DNAJC16: variants seen among roughly 807,000 people sequenced by gnomAD.
DNAJC16 encodes the protein DnaJ heat shock protein family (Hsp40) member C16.
DNAJC16 carries 76 observed loss-of-function variants against 92.7 expected under a neutral mutation model. That is an observed-to-expected ratio of 0.82 (90% CI 0.68 to 0.99). DNAJC16 has a LOEUF of 0.99. Among genes scored for constraint, DNAJC16 ranks in the 50% least tolerant of loss-of-function variants. The pLI is 0.00. For missense variants in DNAJC16, 869 were observed against 942.4 expected (o/e 0.92, Z 1.02); for synonymous variants, 328 against 358.7 (o/e 0.91, Z 0.97).
At chr1:15,549,869 A>C (rs927514695) in intron 7 of DNAJC16, among the ~76,000 whole-genome samples, 1 of 151,988 alleles carries the variant, frequency 6.6e-6, no homozygotes, top group Non-Finnish European at 1.5e-5. Context: ...CCATGTTCAC[A>C]TCACTTTATT....
chr1:15,555,798 C>G (rs1285129996), intron 7 of DNAJC16, among the ~76,000 whole-genome samples: 1 of 151,728 alleles, frequency 6.6e-6, no homozygotes, highest in African/African-American at 2.4e-5. Context: ...TCGAGACCAG[C>G]CTGACCAACA....
chr1:15,562,077 G>A (rs1057316837), intron 8 of DNAJC16, 65 bp from the exon 9 acceptor site: 1 of 1,503,786 alleles, frequency 6.6e-7, no homozygotes, highest in African/African-American at 1.4e-5. Context: ...ACCTTCACTT[G>A]CCATTATAGG....
intron 3 of DNAJC16, 61 bp downstream of exon 3, chr1:15,534,364 A>T (rs1710732432): frequency 6.4e-6 from 10 of 1,557,744 alleles, no homozygotes; most frequent in Non-Finnish European, 8.8e-6. Flanking sequence ...TTAGGAGGTG[A>T]TGAGTTTTGT....
rs74054782 is a variant in DNAJC16 at position 15,567,376 on chromosome 1, A to G, written c.1949+107A>G. On this transcript the variant is annotated intron_variant, in intron 14 of 14. Coordinates refer to ENST00000375847, the MANE Select transcript of DNAJC16 (RefSeq NM_015291.4). The stretch of plus-strand genomic sequence containing the variant: ...TGGTCTTGTGGGGCTTCATCCATAC[A>G]GCAAGATGCTGGCTGTGACCTTTCC... The G allele has an allele frequency of 9.0e-3, 10,521 of 1,174,638 alleles. 660 individuals are homozygous for G. In the African/African-American group the frequency reaches 0.14, roughly 15 times the overall value. 72.8% of individuals were successfully genotyped at this position (1,174,638 alleles called of 1,614,324 possible).
intron 4 of DNAJC16, among the ~76,000 whole-genome samples, chr1:15,541,331 A>C (rs969452119): frequency 6.6e-6 from 1 of 152,144 alleles, no homozygotes; most frequent in Non-Finnish European, 1.5e-5. Context: ...ATTGTTCCAT[A>C]GTTATTTTTA....
chr1:15,563,742 G>T (rs1638744465), intron 9 of DNAJC16, among the ~76,000 whole-genome samples, 187 bp from the exon 10 acceptor site: 1 of 149,784 alleles, frequency 6.7e-6, no homozygotes, highest in Admixed American at 6.7e-5. Flanking sequence ...CCAGCCACTT[G>T]GGAAGGCTGA....
chr1:15,564,545 C>CTT lies in DNAJC16; in HGVS notation c.1598+198_1598+199dup, dbSNP rs34711960. Among the ~76,000 whole-genome samples, 172 of 142,472 alleles carry CTT rather than the reference C, an allele frequency of 1.2e-3. 2 individuals are homozygous for CTT. Among genetic ancestry groups the CTT allele is most frequent in the African/African-American group, 3.6e-3 (141 of 38,708 alleles). 93.5% of individuals were successfully genotyped at this position (142,472 alleles called of 152,430 possible). A position where few individuals can be genotyped will look rare whatever the true frequency, so the allele number is the denominator to read the frequency against. On this transcript the variant is annotated intron_variant, in intron 11 of 14. Coordinates refer to ENST00000375847, the MANE Select transcript of DNAJC16 (RefSeq NM_015291.4). ...TAACTTCCCTTTTTTTTATTTTTTA[C>CTT]TTTTTTTTTTTTTGAGACAAAGTCT...
intron 8 of DNAJC16, among the ~76,000 whole-genome samples, chr1:15,560,555 G>A (rs1638668007): frequency 6.6e-6 from 1 of 152,134 alleles, no homozygotes; most frequent in East Asian, 1.9e-4. Flanking sequence ...ATTTAGGGCT[G>A]TTTCATCTGT....
chr1:15,544,105 A>G (rs1487054767), intron 4 of DNAJC16, among the ~76,000 whole-genome samples: 1 of 146,414 alleles, frequency 6.8e-6, no homozygotes, highest in African/African-American at 2.5e-5. Flanking sequence ...TCAAGTATTA[A>G]GTGAAATAAG....
rs761891997 is a variant in DNAJC16, at chr1:15,536,772, G to A, written c.532G>A (p.Glu178Lys). Residue 178 changes from glutamate to lysine, a missense_variant, in exon 4 of 15, where the codon GAG becomes AAG. Physicochemically the swap from Glu to Lys is moderately conservative, Grantham distance 56. Coordinates refer to ENST00000375847, the MANE Select transcript of DNAJC16 (RefSeq NM_015291.4). ...SDWCFSCIHIEPVWKEVIQEL... is the reference protein window; with the variant it reads ...SDWCFSCIHIKPVWKEVIQEL... ...TTGGTGCTTTAGCTGCATTCATATC[G>A]AGCCTGTGTGGAAAGAAGTCATTCA... The A allele has an allele frequency of 2.4e-5, 39 of 1,610,538 alleles. No individual in the cohort carries two copies. Among genetic ancestry groups the A allele is most frequent in the East Asian group, 6.7e-5 (3 of 44,870 alleles).
chr1:15,530,711 G>T (rs537476118), intron 2 of DNAJC16, among the ~76,000 whole-genome samples: 1 of 151,398 alleles, frequency 6.6e-6, no homozygotes, highest in Non-Finnish European at 1.5e-5. Context: ...TTTTTGAGAC[G>T]GAGTCTCGCT....
Position 15,559,556 on chromosome 1 carries a change from G to T in DNAJC16, c.1054G>T (p.Asp352Tyr). 6.2e-7 allele frequency: 1 copy of T among 1,614,010 alleles called. No individual in the cohort carries two copies. Among genetic ancestry groups the T allele is most frequent in the South Asian group, 1.1e-5 (1 of 91,064 alleles). ...ARGMKKQIID[D>Y]FITRNKYLLA... ...AGGTATGAAGAAGCAAATCATTGACGACTTCATCACCCGAAACAAATATCT... is the reference window on the plus strand; with the variant it reads ...AGGTATGAAGAAGCAAATCATTGACTACTTCATCACCCGAAACAAATATCT... Residue 352 changes from aspartate (D) to tyrosine (Y), a missense_variant, in exon 8 of 15, where the codon GAC (aspartate) becomes TAC (tyrosine). Transcript: ENST00000375847.
rs1335975187 is a variant in DNAJC16 at position 15,570,693 on chromosome 1, G to C, written c.*2516G>C. Reference sequence around the variant, plus strand: ...GACCGGTTTAGAGCTGGTGCCCTATGAGAATATTAGGGAGCTTTTATTTTA... The same window carrying C: ...GACCGGTTTAGAGCTGGTGCCCTATCAGAATATTAGGGAGCTTTTATTTTA... On this transcript the variant is annotated 3_prime_UTR_variant, in exon 15 of 15. Coordinates refer to ENST00000375847, the MANE Select transcript of DNAJC16 (RefSeq NM_015291.4). 6.6e-6 allele frequency: 1 copy of C among 152,174 alleles called. No individual in the cohort carries two copies. The highest frequency in any genetic ancestry group is 2.4e-5 in the African/African-American group (1 of 41,438). The allele number at this position is 152,174 out of a possible 1,614,324, so 9.4% of individuals were successfully genotyped here.
chr1:15,545,617 T>C (rs576732962), intron 5 of DNAJC16, among the ~76,000 whole-genome samples: 1 of 152,202 alleles, frequency 6.6e-6, no homozygotes, highest in Non-Finnish European at 1.5e-5. Context: ...AGACATGAAA[T>C]AGCCCGCTTT....
chr1:15,529,731 A>G (rs755628939), intron 2 of DNAJC16, among the ~76,000 whole-genome samples: 7 of 150,472 alleles, frequency 4.7e-5, no homozygotes, highest in Non-Finnish European at 1.0e-4. Flanking sequence ...TTTGCCTCCA[A>G]AAAAAAAAAT....
At chr1:15,567,328 C>A (rs1638842252) in intron 14 of DNAJC16, 59 bp downstream of exon 14, 2 of 1,533,606 alleles carry the variant, frequency 1.3e-6, no homozygotes, top group Non-Finnish European at 1.8e-6. Flanking sequence ...GGCAGGCACA[C>A]TGAAATTGCA....
intron 8 of DNAJC16, among the ~76,000 whole-genome samples, chr1:15,561,108 C>CTTT (rs1009666149): frequency 1.4e-5 from 2 of 141,538 alleles, no homozygotes; most frequent in African/African-American, 5.2e-5. Context: ...CCCTTTTCAT[C>CTTT]TTTTTTTTTT....
intron 2 of DNAJC16, among the ~76,000 whole-genome samples, chr1:15,532,016 G>A (rs551707184): frequency 6.6e-6 from 1 of 152,218 alleles, no homozygotes; most frequent in Admixed American, 6.5e-5. Context: ...TACTTTGCTT[G>A]GTGAAACCAT....
chr1:15,566,666 T>C (rs988962140), intron 13 of DNAJC16: 1 of 175,538 alleles, frequency 5.7e-6, no homozygotes, highest in Non-Finnish European at 1.2e-5. Flanking sequence ...GGAGGATTGC[T>C]TGAGCCCAGG....
Sources: allele counts gnomAD v4.1 joint callset (sites outside exome capture counted in the v4.1 genomes callset), GRCh38; gene constraint gnomAD v4.1.1; transcripts MANE v1.5; gene names NCBI Gene and HGNC (gene_info 2026-07-23, HGNC 2026-07-21).